The following CBX2 variants were observed in gnomAD, a reference collection of about 807,000 sequenced individuals.
The protein encoded by CBX2 is chromobox 2.
CBX2 carries 11 observed loss-of-function variants against 21.0 expected under a neutral mutation model. The observed-to-expected ratio is 0.52, with a 90% CI of 0.33 to 0.87. The LOEUF (loss-of-function observed/expected upper bound fraction) is 0.87. Among genes scored for constraint, CBX2 ranks in the 40% least tolerant of loss-of-function variants. CBX2 has a pLI of 0.02. For missense variants in CBX2, 746 were observed against 724.3 expected (o/e 1.03, Z -0.34); for synonymous variants, 364 against 304.6 (o/e 1.19, Z -2.03).
chr17:79,785,147 G>A lies in CBX2; in HGVS notation c.*105G>A, dbSNP rs1026430815. The A allele has an allele frequency of 4.9e-6, 5 of 1,017,116 alleles. No homozygotes were observed. Among genetic ancestry groups the A allele is most frequent in the Non-Finnish European group, 6.0e-6 (4 of 668,424 alleles). 63.0% of individuals were successfully genotyped at this position (1,017,116 alleles called of 1,614,324 possible). A position where few individuals can be genotyped will look rare whatever the true frequency, so the allele number is the denominator to read the frequency against. On this transcript the variant is annotated 3_prime_UTR_variant, in exon 5 of 5. Coordinates refer to ENST00000310942, the MANE Select transcript of CBX2 (RefSeq NM_005189.3). The stretch of plus-strand genomic sequence containing the variant: ...AGCCCCCTCAAGAGTCTGGGTCGGG[G>A]GAGGAGGAGTGGGTGGCCTCCTTGA...
intron 4 of CBX2, chr17:79,782,444 G>A: frequency 5.4e-6 from 7 of 1,286,196 alleles, no homozygotes; most frequent in Non-Finnish European, 7.0e-6. Context: ...CCTCCCCTGA[G>A]GACAGGTGAG....
intron 4 of CBX2, chr17:79,782,290 G>A (rs1907284143): frequency 4.6e-6 from 7 of 1,532,900 alleles, no homozygotes; most frequent in Admixed American, 2.0e-5. Context: ...GCCAGGAGGG[G>A]CCTTGGAGGA....
chr17:79,781,538 G>C (rs1907199842), intron 3 of CBX2, among the ~76,000 whole-genome samples, 158 bp from the exon 4 acceptor site: 1 of 152,186 alleles, frequency 6.6e-6, no homozygotes, highest in Non-Finnish European at 1.5e-5. Context: ...AAAGAATGGG[G>C]TCTGATCTCT....
At chr17:79,780,307 C>CT (rs1270318472) in intron 3 of CBX2, among the ~76,000 whole-genome samples, 7 of 152,222 alleles carry the variant, frequency 4.6e-5, no homozygotes, top group African/African-American at 1.7e-4. Context: ...GGTGCATTCC[C>CT]TTTTTTCCAC....
intron 3 of CBX2, among the ~76,000 whole-genome samples, 176 bp from the exon 4 acceptor site, chr17:79,781,520 C>G (rs547810772): frequency 1.3e-5 from 2 of 152,236 alleles, no homozygotes; most frequent in South Asian, 2.1e-4. Flanking sequence ...GGTTACTGAC[C>G]CTAGTGCAAA....
intron 4 of CBX2, chr17:79,782,479 C>T (rs930952467): frequency 1.6e-6 from 2 of 1,216,168 alleles, no homozygotes; most frequent in East Asian, 9.2e-5. Flanking sequence ...GGGAGGAGGG[C>T]CTGGCCTCAG....
chr17:79,780,018 G>A (rs1555829898), intron 3 of CBX2, among the ~76,000 whole-genome samples: 1 of 152,262 alleles, frequency 6.6e-6, no homozygotes, highest in African/African-American at 2.4e-5. Flanking sequence ...AATTCTAGAT[G>A]TCATTTCTAT....
Position 79,784,417 on chromosome 17 carries a change from G to T in CBX2, c.974G>T (p.Gly325Val). The T allele has an allele frequency of 6.2e-7, 1 of 1,611,960 alleles. No individual in the cohort carries two copies. The highest frequency in any genetic ancestry group is 8.5e-7 in the Non-Finnish European group (1 of 1,179,480). The stretch of plus-strand genomic sequence containing the variant: ...GTGGAGCAGAAAGTGGGGAACACAG[G>T]GGGCCCCCCGCACACCCATGGTGCC... ...GAVEQKVGNT[G>V]GPPHTHGASR... The change falls in exon 5 of 5, where the codon GGG becomes GTG. Residue 325 changes from glycine to valine, a missense_variant. Coordinates refer to ENST00000310942, the MANE Select transcript of CBX2 (RefSeq NM_005189.3). The surrounding 1 kb of genome is among the most constrained non-coding windows in gnomAD (Gnocchi z 5.9).
intron 4 of CBX2, 94 bp from the exon 5 acceptor site, chr17:79,783,638 G>T: frequency 9.2e-7 from 1 of 1,084,808 alleles, no homozygotes; most frequent in South Asian, 1.3e-5. Flanking sequence ...TTGAACTCCT[G>T]ACCTCAGGTG....
chr17:79,780,853 T>C (rs1279117683), intron 3 of CBX2, among the ~76,000 whole-genome samples: 3 of 152,146 alleles, frequency 2.0e-5, no homozygotes, highest in African/African-American at 7.2e-5. Context: ...TTTTAGGAGA[T>C]TTCAGGTTAA....
chr17:79,779,301 G>C, intron 2 of CBX2, 61 bp from the exon 3 acceptor site: 1 of 1,550,730 alleles, frequency 6.4e-7, no homozygotes, highest in Middle Eastern at 1.7e-4. Flanking sequence ...CCCTCGGGCT[G>C]CCTTGCAAAG....
chr17:79,787,576 T>A lies in CBX2; in HGVS notation c.*2534T>A, dbSNP rs1907724786. On this transcript the variant is annotated 3_prime_UTR_variant, in exon 5 of 5. Transcript: ENST00000310942. ...GTAGACTTTTTCTATTTTTATTTGC[T>A]GCTATTTGTGTGTGTGTTTGTGTTT... 6.6e-6 allele frequency: 1 copy of A among 152,560 alleles called. No homozygotes were observed. 9.5% of individuals were successfully genotyped at this position (152,560 alleles called of 1,614,324 possible).
chr17:79,778,356 G>T lies in CBX2; in HGVS notation c.73-28G>T. The T allele has an allele frequency of 6.3e-7, 1 of 1,581,788 alleles. No individual in the cohort carries two copies. ...CCGCCCGCCGCCCGCTGTCCGTCTGGCTCACGGCCCCTCTTCTCTCCCCGC... is the reference window on the plus strand; with the variant it reads ...CCGCCCGCCGCCCGCTGTCCGTCTGTCTCACGGCCCCTCTTCTCTCCCCGC... On this transcript the variant is annotated intron_variant, in intron 1 of 4. Coordinates refer to ENST00000310942, the MANE Select transcript of CBX2 (RefSeq NM_005189.3). The surrounding 1 kb of genome is among the most constrained non-coding windows in gnomAD (Gnocchi z 4.8).
chr17:79,781,746 G>A lies in CBX2; in HGVS notation c.233G>A (p.Gly78Asp). 6.2e-7 allele frequency: 1 copy of A among 1,614,106 alleles called. No homozygotes were observed. The highest frequency in any genetic ancestry group is 8.5e-7 in the Non-Finnish European group (1 of 1,180,026). Residue 78 changes from glycine (G) to aspartate (D), a missense_variant, in exon 4 of 5, where the codon GGC becomes GAC. Physicochemically the swap from Gly to Asp is moderately conservative, Grantham distance 94. This residue lies in a region of CBX2 where 701 missense variants were observed against 650.7 expected (regional missense o/e 1.08). Coordinates refer to ENST00000310942, the MANE Select transcript of CBX2 (RefSeq NM_005189.3). ...CGGAAGAGAGGCAAGAGGCCGAGAG[G>A]CCGGCCAAGGAAGCTCACTGCCATG... is the stretch of plus-strand genomic sequence containing the variant. The part of the protein sequence containing the change: ...QNRKRGKRPR[G>D]RPRKLTAMSS...
Position 79,781,796 on chromosome 17 carries a change from C to T in CBX2, c.283C>T (p.Leu95Phe). 6.2e-7 allele frequency: 1 copy of T among 1,614,108 alleles called. No individual in the cohort carries two copies. The highest frequency in any genetic ancestry group is 8.5e-7 in the Non-Finnish European group (1 of 1,179,988). ...AMSSCSRRSKLKEPDAPSKSK... is the reference protein window; with the variant it reads ...AMSSCSRRSKFKEPDAPSKSK... ...GTCCTCCTGCAGCCGGCGCTCCAAG[C>T]TCAAGGTGGGTGGCTGCGCTGGGTA... The change falls in exon 4 of 5, where the codon CTC becomes TTC. Residue 95 changes from leucine to phenylalanine, a missense_variant. Physicochemically the swap from Leu to Phe is conservative, Grantham distance 22 (BLOSUM62 0). Coordinates refer to ENST00000310942, the MANE Select transcript of CBX2 (RefSeq NM_005189.3).
At chr17:79,780,946 T>C (rs1203680462) in intron 3 of CBX2, among the ~76,000 whole-genome samples, 2 of 151,910 alleles carry the variant, frequency 1.3e-5, no homozygotes, top group Admixed American at 6.6e-5. Context: ...CCCAATGAGA[T>C]GATGTTTGCC....
rs113862809 is a variant in CBX2, at chr17:79,787,305, C to G, written c.*2263C>G. 6.8e-3 allele frequency: 1,033 copies of G among 152,778 alleles called. 3 individuals are homozygous for G. The highest frequency in any genetic ancestry group is 0.012 in the Non-Finnish European group (815 of 68,050). 9.5% of individuals were successfully genotyped at this position (152,778 alleles called of 1,614,324 possible). A position where few individuals can be genotyped will look rare whatever the true frequency, so the allele number is the denominator to read the frequency against. ...AATGAGGATGTCTGTCCCTGTCTGC[C>G]TGGGCAGGCCAGATTCCTCCCCAGC... On this transcript the variant is annotated 3_prime_UTR_variant, in exon 5 of 5. Coordinates refer to ENST00000310942, the MANE Select transcript of CBX2 (RefSeq NM_005189.3).
chr17:79,781,592 T>C (rs1450428782), intron 3 of CBX2, 104 bp from the exon 4 acceptor site: 4 of 973,388 alleles, frequency 4.1e-6, no homozygotes, highest in Non-Finnish European at 5.0e-6. Context: ...CAGGATAAGC[T>C]ATTACAGGCC....
chr17:79,780,834 T>TC (rs1252589068), intron 3 of CBX2, among the ~76,000 whole-genome samples: 1 of 152,120 alleles, frequency 6.6e-6, no homozygotes, highest in African/African-American at 2.4e-5. Flanking sequence ...ATGCAACACT[T>TC]CATTGTCCTT....
Sources: gnomAD v4.1 joint callset for allele counts (sites outside exome capture counted in the v4.1 genomes callset) on GRCh38, gnomAD v4.1.1 for gene constraint, gnomAD v4.1.1 regional missense constraint, Gnocchi (gnomAD v3.1) non-coding constraint, MANE v1.5 for transcripts, NCBI Gene and HGNC (gene_info 2026-07-23, HGNC 2026-07-21) for gene names.